DUOXA1: variants seen among roughly 807,000 people sequenced by gnomAD.
The protein encoded by DUOXA1 is dual oxidase maturation factor 1, also known as dual oxidase activator 1.
A neutral mutation model predicts 26.6 loss-of-function variants in DUOXA1; 19 were observed. The ratio of observed to expected loss-of-function variants is 0.71; its 90% CI spans 0.50 to 1.05. The LOEUF is 1.05. Among genes scored for constraint, DUOXA1 ranks in the 50% least tolerant of loss-of-function variants. The pLI is 0.00. For missense variants in DUOXA1, 403 were observed against 427.5 expected (o/e 0.94, Z 0.51); for synonymous variants, 166 against 177.0 (o/e 0.94, Z 0.49).
At chr15:45,119,435 A>T (rs12910807) in intron 8 of DUOXA1, 70 bp from the exon 9 acceptor site, 44,474 of 1,505,778 alleles carry the variant, frequency 0.03, 784 homozygotes, top group Non-Finnish European at 0.036. Flanking sequence ...TTCCCCTGGG[A>T]GTGTCAGAAC....
Position 45,117,504 on chromosome 15 carries a change from T to C in DUOXA1, c.*1602A>G, listed in dbSNP as rs376585577. The C allele has an allele frequency of 1.7e-4, 257 of 1,553,294 alleles. No homozygotes were observed. The highest frequency in any genetic ancestry group is 5.3e-4 in the Admixed American group (27 of 51,102). ...CAGAAGGGTTTGGTGTCTTGCCGTG[T>C]TTCATGTAATTCAGATTAGAGGTGT... is the stretch of plus-strand genomic sequence containing the variant. On this transcript the variant is annotated 3_prime_UTR_variant, in exon 9 of 9. Coordinates refer to ENST00000560572, the MANE Select transcript of DUOXA1 (RefSeq NM_001276266.2).
chr15:45,122,182 C>T lies in DUOXA1; in HGVS notation c.205+3G>A, dbSNP rs757433338. The T allele has an allele frequency of 1.3e-6, 2 of 1,599,370 alleles. No individual in the cohort carries two copies. Among genetic ancestry groups the T allele is most frequent in the Non-Finnish European group, 1.7e-6 (2 of 1,172,684 alleles). The stretch of plus-strand genomic sequence containing the variant: ...GCCCAAGTCAGCTGCACTTCGCACT[C>T]ACCCAGGATTGCAGCCCCGATGAAT... On this transcript the variant is annotated splice_donor_region_variant and intron_variant, in intron 5 of 8. Transcript: ENST00000560572.
chr15:45,124,487 T>G (rs1566996279), intron 3 of DUOXA1, among the ~76,000 whole-genome samples: 1 of 152,178 alleles, frequency 6.6e-6, no homozygotes, highest in African/African-American at 2.4e-5. Flanking sequence ...AAATTTTTTA[T>G]TAAGTTCTTA....
At position 45,118,793 on chromosome 15, in the gene DUOXA1, G is replaced by A; in HGVS notation, c.*313C>T. The A allele has an allele frequency of 9.3e-7, 1 of 1,079,100 alleles. No individual in the cohort carries two copies. The highest frequency in any genetic ancestry group is 1.6e-5 in the African/African-American group (1 of 60,934). The allele number at this position is 1,079,100 out of a possible 1,614,324, so 66.8% of individuals were successfully genotyped here. A position where few individuals can be genotyped will look rare whatever the true frequency, so the allele number is the denominator to read the frequency against. On this transcript the variant is annotated 3_prime_UTR_variant, in exon 9 of 9. Transcript: ENST00000560572. The stretch of plus-strand genomic sequence containing the variant: ...GTTATGGGGGTGAAGTTAGGTTTCA[G>A]TGAATAGCATCTTGAAGAGGCAAGG...
At chr15:45,127,219 C>A (rs541453914) in intron 3 of DUOXA1, among the ~76,000 whole-genome samples, 11 of 152,152 alleles carry the variant, frequency 7.2e-5, no homozygotes, top group Admixed American at 5.9e-4. Flanking sequence ...ATGTGATACG[C>A]TGGAGTTCAA....
chr15:45,123,690 T>G (rs1439175860), intron 3 of DUOXA1, among the ~76,000 whole-genome samples: 1 of 152,232 alleles, frequency 6.6e-6, no homozygotes, highest in Non-Finnish European at 1.5e-5. Flanking sequence ...AAGGGGCACC[T>G]GCCCTCTATC....
At chr15:45,124,173 G>A (rs2141211079) in intron 3 of DUOXA1, among the ~76,000 whole-genome samples, 1 of 152,322 alleles carries the variant, frequency 6.6e-6, no homozygotes, top group South Asian at 2.1e-4. Context: ...GTCTTATTAA[G>A]CGTTATAATG....
chr15:45,117,955 C>T lies in DUOXA1; in HGVS notation c.*1151G>A. The T allele has an allele frequency of 1.2e-6, 2 of 1,612,846 alleles. No individual in the cohort carries two copies. Among genetic ancestry groups the T allele is most frequent in the South Asian group, 2.2e-5 (2 of 91,058 alleles). On this transcript the variant is annotated 3_prime_UTR_variant, in exon 9 of 9. Transcript: ENST00000560572. ...CTTCCCCGCCTTGGGACATCGCAGG[C>T]CGGGAAGCAGTGCCCGCCAGGCCTG... is the stretch of plus-strand genomic sequence containing the variant.
chr15:45,126,739 T>A (rs913311309), intron 3 of DUOXA1, among the ~76,000 whole-genome samples: 2 of 152,236 alleles, frequency 1.3e-5, no homozygotes, highest in Non-Finnish European at 2.9e-5. Flanking sequence ...GGCTTCTGAT[T>A]TTGCACACAA....
Position 45,121,206 on chromosome 15 carries a change from G to A in DUOXA1, c.221C>T (p.Ser74Phe), listed in dbSNP as rs1490119541. Residue 74 changes from serine to phenylalanine, a missense_variant, in exon 6 of 9, where the codon TCT becomes TTT. Ser to Phe is a radical substitution (Grantham distance 155). Coordinates refer to ENST00000560572, the MANE Select transcript of DUOXA1 (RefSeq NM_001276266.2). Reference protein sequence around the residue: ...GAAILAVNFSSEWSVGQVSTN... With the variant: ...GAAILAVNFSFEWSVGQVSTN... ...GCTGACCTGGCCCACAGACCACTCAGAACTGAAATTCACAGCTGTGGTTGG... is the reference window on the plus strand; with the variant it reads ...GCTGACCTGGCCCACAGACCACTCAAAACTGAAATTCACAGCTGTGGTTGG... 3 of 1,614,084 alleles carry A rather than the reference G, an allele frequency of 1.9e-6. No individual in the cohort carries two copies. The highest frequency in any genetic ancestry group is 2.5e-6 in the Non-Finnish European group (3 of 1,180,038).
chr15:45,127,981 A>T (rs1368562094), intron 3 of DUOXA1, among the ~76,000 whole-genome samples: 1 of 152,078 alleles, frequency 6.6e-6, no homozygotes, highest in East Asian at 1.9e-4. Context: ...CTGTGACAAA[A>T]TTGGGATGCT....
chr15:45,118,279 C>T lies in DUOXA1; in HGVS notation c.*827G>A. 3.7e-6 allele frequency: 5 copies of T among 1,355,090 alleles called. No individual in the cohort carries two copies. The highest frequency in any genetic ancestry group is 4.7e-6 in the Non-Finnish European group (5 of 1,059,038). 83.9% of individuals were successfully genotyped at this position (1,355,090 alleles called of 1,614,324 possible). ...TCTAGTGAGGCCGGAGGGACCCTACCAGAGCTAGCATCTTTCTGAACCACC... is the reference window on the plus strand; with the variant it reads ...TCTAGTGAGGCCGGAGGGACCCTACTAGAGCTAGCATCTTTCTGAACCACC... On this transcript the variant is annotated 3_prime_UTR_variant, in exon 9 of 9. Coordinates refer to ENST00000560572, the MANE Select transcript of DUOXA1 (RefSeq NM_001276266.2).
intron 3 of DUOXA1, 42 bp from the exon 4 acceptor site, chr15:45,123,085 A>G: frequency 1.3e-6 from 2 of 1,504,468 alleles, no homozygotes; most frequent in Non-Finnish European, 8.9e-7. Flanking sequence ...CCCTCAATGT[A>G]CCTGGCACTG....
At position 45,117,959 on chromosome 15, in the gene DUOXA1, G is replaced by T; in HGVS notation, c.*1147C>A. On this transcript the variant is annotated 3_prime_UTR_variant, in exon 9 of 9. Transcript: ENST00000560572. The stretch of plus-strand genomic sequence containing the variant: ...CCCGCCTTGGGACATCGCAGGCCGG[G>T]AAGCAGTGCCCGCCAGGCCTGGGCC... 6.2e-7 allele frequency: 1 copy of T among 1,612,808 alleles called. No homozygotes were observed. The highest frequency in any genetic ancestry group is 8.5e-7 in the Non-Finnish European group (1 of 1,179,712).
chr15:45,126,546 C>G (rs1895694795), intron 3 of DUOXA1, among the ~76,000 whole-genome samples: 1 of 152,216 alleles, frequency 6.6e-6, no homozygotes, highest in Non-Finnish European at 1.5e-5. Context: ...TTTGAACATA[C>G]CTTCATGATA....
intron 8 of DUOXA1, among the ~76,000 whole-genome samples, chr15:45,119,661 G>A (rs1894964528): frequency 1.3e-5 from 2 of 152,144 alleles, no homozygotes; most frequent in East Asian, 1.9e-4. Context: ...CCCTGGGGAA[G>A]GGCAGGGCAC....
chr15:45,124,029 A>C (rs1895466902), intron 3 of DUOXA1, among the ~76,000 whole-genome samples: 3 of 145,830 alleles, frequency 2.1e-5, no homozygotes, highest in Admixed American at 1.3e-4. Context: ...CTAATTTCAG[A>C]GATGTCAGAA....
intron 3 of DUOXA1, among the ~76,000 whole-genome samples, chr15:45,123,874 A>G (rs746883155): frequency 1.3e-4 from 20 of 152,208 alleles, no homozygotes; most frequent in Admixed American, 2.6e-4. Context: ...CAGACAGGAT[A>G]TTGGGAAAAT....
chr15:45,120,998 GGCATCCTATA>G (rs1447335114), intron 6 of DUOXA1, 79 bp downstream of exon 6: 21 of 1,580,548 alleles, frequency 1.3e-5, no homozygotes, highest in Non-Finnish European at 1.8e-5. Context: ...CCCTGTGCCA[GGCATCCTATA>G]GCTCTTTGAC....
Sources: gnomAD v4.1 joint callset for allele counts (sites outside exome capture counted in the v4.1 genomes callset) on GRCh38, gnomAD v4.1.1 for gene constraint, MANE v1.5 for transcripts, NCBI Gene and HGNC (gene_info 2026-07-23, HGNC 2026-07-21) for gene names.